MROH7: variants seen among roughly 807,000 people sequenced by gnomAD.
MROH7 encodes maestro heat like repeat family member 7.
In MROH7, 113 loss-of-function variants were observed where a neutral mutation model predicts 129.2. That is an observed-to-expected ratio of 0.87 (90% CI 0.75 to 1.02). The LOEUF (loss-of-function observed/expected upper bound fraction) is 1.02. Among genes scored for constraint, MROH7 ranks in the 50% least tolerant of loss-of-function variants. The pLI, the probability that MROH7 is intolerant of heterozygous loss-of-function variation, is 0.00. For synonymous variants in MROH7, 655 were observed against 667.9 expected (o/e 0.98, Z 0.30); for missense variants, 1,601 against 1,671.3 (o/e 0.96, Z 0.73).
chr1:54,671,356 C>T (rs1051263644), intron 7 of MROH7, among the ~76,000 whole-genome samples: 5 of 152,182 alleles, frequency 3.3e-5, no homozygotes, highest in Admixed American at 6.5e-5. Flanking sequence ...GCCGAGATTG[C>T]GCCACTGCAC....
chr1:54,654,992 T>TGTTCATATCTG (rs1224519089), intron 3 of MROH7, among the ~76,000 whole-genome samples: 1 of 151,818 alleles, frequency 6.6e-6, no homozygotes, highest in Non-Finnish European at 1.5e-5. Flanking sequence ...TGTAAATAGG[T>TGTTCATATCTG]GTTCATATCT....
rs1054338819 is a variant in MROH7, at chr1:54,703,589, G to A, written c.3564+844G>A. ...ATTTAACCACAGAGCTTCCTTTCTC[G>A]GTGATACCTGTGAACATCATGAGGT... On this transcript the variant is annotated intron_variant, in intron 21 of 23. Transcript: ENST00000421030. This position sits in a 1 kb window ranked among gnomAD's most constrained non-coding sequence, Gnocchi z 4.4. 2.6e-5 allele frequency among the ~76,000 whole-genome samples: 4 copies of A among 152,158 alleles called. No homozygotes were observed. The highest frequency in any genetic ancestry group is 1.9e-4 in the East Asian group (1 of 5,172).
intron 14 of MROH7, among the ~76,000 whole-genome samples, chr1:54,684,403 A>T (rs1645115293): frequency 6.6e-6 from 1 of 152,190 alleles, no homozygotes; most frequent in African/African-American, 2.4e-5. Context: ...TCTGTGCCTA[A>T]GGCACCAGCA....
chr1:54,691,430 C>G (rs888502996), intron 15 of MROH7, among the ~76,000 whole-genome samples: 1 of 152,222 alleles, frequency 6.6e-6, no homozygotes, highest in Non-Finnish European at 1.5e-5. Flanking sequence ...ACCATAAACT[C>G]TTTCAGCAAA....
At chr1:54,670,452 G>A in intron 5 of MROH7, 45 bp from the exon 6 acceptor site, 1 of 1,572,654 alleles carries the variant, frequency 6.4e-7, no homozygotes, top group South Asian at 1.1e-5. Context: ...CTGGTGGCCT[G>A]CAGTAGCCCT....
At chr1:54,642,893 G>A (rs898738287) in intron 1 of MROH7, among the ~76,000 whole-genome samples, 5 of 152,202 alleles carry the variant, frequency 3.3e-5, no homozygotes, top group African/African-American at 9.7e-5. Flanking sequence ...GGGATTATAG[G>A]CGTGAGCCAT....
intron 15 of MROH7, among the ~76,000 whole-genome samples, chr1:54,687,093 A>G (rs1012087314): frequency 2.1e-5 from 3 of 141,846 alleles, no homozygotes; most frequent in Non-Finnish European, 3.1e-5. Context: ...TATTTATTTG[A>G]GATGGAGTCT....
intron 7 of MROH7, 148 bp from the exon 8 acceptor site, chr1:54,672,943 C>T (rs1644923713): frequency 3.3e-6 from 2 of 608,426 alleles, no homozygotes; most frequent in Non-Finnish European, 6.0e-6. Flanking sequence ...CCCAACATTA[C>T]ACATCAAGTT....
At chr1:54,667,259 G>A (rs532314) in intron 4 of MROH7, among the ~76,000 whole-genome samples, 122,442 of 151,992 alleles carry the variant, frequency 0.81, 49,772 homozygotes, top group East Asian at 1. Context: ...CCATCCCTCT[G>A]TCATCACTCT....
chr1:54,653,024 C>G lies in MROH7; in HGVS notation c.98C>G (p.Thr33Ser). The G allele has an allele frequency of 6.2e-7, 1 of 1,614,202 alleles. No homozygotes were observed. Among genetic ancestry groups the G allele is most frequent in the Non-Finnish European group, 8.5e-7 (1 of 1,180,026 alleles). The change falls in exon 3 of 24, where the codon ACC becomes AGC. Residue 33 changes from threonine to serine, a missense_variant. Coordinates refer to ENST00000421030, the MANE Select transcript of MROH7 (RefSeq NM_001039464.4). Reference protein sequence around the residue: ...SCGAPGLGSGTIPQPHPDMAQ... With the variant: ...SCGAPGLGSGSIPQPHPDMAQ... Reference sequence around the variant, plus strand: ...GGGGCCCCGGGATTAGGGTCTGGTACCATCCCTCAGCCCCACCCAGACATG... The same window carrying G: ...GGGGCCCCGGGATTAGGGTCTGGTAGCATCCCTCAGCCCCACCCAGACATG...
rs757127772 is a variant in MROH7, at chr1:54,665,184, AC to A, written c.1251del (p.Ser418HisfsTer4). ...CCCTGCAGGAGCCTTTGATGAAGTG[AC>A]CTCATGCCTGGTGAAGGTGCCAGAG... ...GIPEGAFDEV[T>X]SCLVKVPEKT... On this transcript the variant is annotated frameshift_variant, in exon 4 of 24. Transcript: ENST00000421030. LOFTEE classifies it high-confidence loss of function. 9 of 1,613,744 alleles carry A rather than the reference AC, an allele frequency of 5.6e-6. No individual in the cohort carries two copies. The East Asian group carries it at 2.0e-4, about 36-fold the overall frequency.
At chr1:54,646,531 C>A (rs1644470020) in intron 1 of MROH7, among the ~76,000 whole-genome samples, 1 of 152,112 alleles carries the variant, frequency 6.6e-6, no homozygotes, top group African/African-American at 2.4e-5. Context: ...TCTTTCCAGC[C>A]ATCAGAATCC....
intron 10 of MROH7, among the ~76,000 whole-genome samples, chr1:54,677,127 G>A (rs1035060482): frequency 6.6e-5 from 10 of 152,100 alleles, no homozygotes; most frequent in Middle Eastern, 3.4e-3. Flanking sequence ...GGCCGGGTGC[G>A]GTGGCTCACG....
intron 16 of MROH7, among the ~76,000 whole-genome samples, 156 bp downstream of exon 16, chr1:54,692,717 G>T (rs1017442719): frequency 2.0e-5 from 3 of 152,190 alleles, no homozygotes; most frequent in Non-Finnish European, 2.9e-5. Flanking sequence ...GTCTTCCTTG[G>T]CAGGTAGACA....
chr1:54,695,668 C>A, intron 17 of MROH7, 178 bp downstream of exon 17: 1 of 661,602 alleles, frequency 1.5e-6, no homozygotes, highest in South Asian at 1.7e-5. Context: ...TGTCTCTCCA[C>A]CCTTTACTCC....
At chr1:54,682,894 T>G (rs962409600) in intron 14 of MROH7, 100 bp downstream of exon 14, 172 of 1,338,952 alleles carry the variant, frequency 1.3e-4, no homozygotes, top group Non-Finnish European at 1.6e-4. Flanking sequence ...AGTACCGCAC[T>G]CTGCCAGTAA....
At chr1:54,670,300 C>T (rs181299465) in intron 5 of MROH7, among the ~76,000 whole-genome samples, 197 bp from the exon 6 acceptor site, 1 of 152,282 alleles carries the variant, frequency 6.6e-6, no homozygotes, top group Non-Finnish European at 1.5e-5. Context: ...AAGACTCTGC[C>T]TCTACAAAAA....
In MROH7 at chr1:54,679,254, T is replaced by C; in HGVS notation, c.2050-9T>C. On this transcript the variant is annotated splice_polypyrimidine_tract_variant and intron_variant, in intron 11 of 23. Transcript: ENST00000421030. ...TCAGTGTGTCATGATCTCAGCACCTTTGTTTCAGGAATTTGGAGACTTCCT... is the reference window on the plus strand; with the variant it reads ...TCAGTGTGTCATGATCTCAGCACCTCTGTTTCAGGAATTTGGAGACTTCCT... The C allele has an allele frequency of 6.2e-7, 1 of 1,613,766 alleles. No individual in the cohort carries two copies. Among genetic ancestry groups the C allele is most frequent in the South Asian group, 1.1e-5 (1 of 91,056 alleles).
intron 17 of MROH7, chr1:54,697,893 C>T: frequency 4.2e-6 from 2 of 478,342 alleles, no homozygotes; most frequent in East Asian, 6.3e-5. Flanking sequence ...CTGTGTCCAC[C>T]ACAAAGTCAG....
Sources: gnomAD v4.1 joint callset for allele counts (sites outside exome capture counted in the v4.1 genomes callset) on GRCh38, gnomAD v4.1.1 for gene constraint, Gnocchi (gnomAD v3.1) non-coding constraint, MANE v1.5 for transcripts, NCBI Gene and HGNC (gene_info 2026-07-23, HGNC 2026-07-21) for gene names.